Variants in ARHGAP44 observed in about 807,000 individuals in gnomAD.
ARHGAP44 encodes the protein Rho GTPase activating protein 44, also known as rho GTPase-activating protein 44.
ARHGAP44 carries 43 observed loss-of-function variants against 106.8 expected under a neutral mutation model. That is an observed-to-expected ratio of 0.40 (90% CI 0.32 to 0.52). ARHGAP44 has a LOEUF of 0.52. ARHGAP44 is among the 20% of genes least tolerant of loss of function. ARHGAP44 has a pLI of 0.48. For missense variants in ARHGAP44, 866 were observed against 1,050.5 expected (o/e 0.82, Z 2.43); for synonymous variants, 439 against 410.3 (o/e 1.07, Z -0.85).
intron 1 of ARHGAP44, among the ~76,000 whole-genome samples, chr17:12,824,556 C>A (rs7226011): frequency 6.6e-6 from 1 of 151,858 alleles, no homozygotes; most frequent in African/African-American, 2.4e-5. Flanking sequence ...AACCTCGACC[C>A]TACTTTCTTT....
intron 16 of ARHGAP44, among the ~76,000 whole-genome samples, chr17:12,968,759 T>A (rs117360820): frequency 0.1 from 15,135 of 150,096 alleles, 891 homozygotes; most frequent in South Asian, 0.2. Flanking sequence ...TTTCTTTTTC[T>A]TTTATTTCTT....
At chr17:12,983,823 C>CA (rs1227572648) in intron 19 of ARHGAP44, among the ~76,000 whole-genome samples, 6 of 151,848 alleles carry the variant, frequency 4.0e-5, no homozygotes, top group Non-Finnish European at 7.4e-5. Context: ...AAAAAAACAA[C>CA]AAAAAAACCC....
At chr17:12,919,944 C>T in intron 6 of ARHGAP44, 113 bp downstream of exon 6, 2 of 806,010 alleles carry the variant, frequency 2.5e-6, no homozygotes, top group Non-Finnish European at 4.0e-6. Context: ...TTTCTGGACA[C>T]CTAACGTGTA....
intron 7 of ARHGAP44, among the ~76,000 whole-genome samples, chr17:12,930,320 G>T (rs562782778): frequency 2.6e-5 from 4 of 151,358 alleles, no homozygotes; most frequent in South Asian, 2.1e-4. Flanking sequence ...CGCAACTTCC[G>T]TCTCCCAGGT....
Position 12,949,023 on chromosome 17 carries a change from T to C in ARHGAP44, c.862-117T>C, listed in dbSNP as rs550771206. 2.0e-6 allele frequency: 2 copies of C among 983,280 alleles called. No homozygotes were observed. The highest frequency in any genetic ancestry group is 2.9e-5 in the South Asian group (2 of 69,742). 60.9% of individuals were successfully genotyped at this position (983,280 alleles called of 1,614,324 possible). A position where few individuals can be genotyped will look rare whatever the true frequency, so the allele number is the denominator to read the frequency against. On this transcript the variant is annotated intron_variant, in intron 10 of 20. Coordinates refer to ENST00000379672, the MANE Select transcript of ARHGAP44 (RefSeq NM_014859.6). This position sits in a 1 kb window ranked among gnomAD's most constrained non-coding sequence, Gnocchi z 4.1. ...AGGCAACTGGGGGATTGGGAGATGG[T>C]GTTGGGCAAATGCATGTAAGAGGTT...
chr17:12,849,759 C>T (rs1198449548), intron 1 of ARHGAP44, among the ~76,000 whole-genome samples: 4 of 151,556 alleles, frequency 2.6e-5, no homozygotes, highest in Non-Finnish European at 5.9e-5. Flanking sequence ...CTTTTGGGTC[C>T]GAAAATAGGA....
chr17:12,921,901 A>G (rs1377866250), intron 6 of ARHGAP44, among the ~76,000 whole-genome samples: 1 of 152,198 alleles, frequency 6.6e-6, no homozygotes, highest in Non-Finnish European at 1.5e-5. Context: ...TAAAAGGTAC[A>G]GAGCAGTCCC....
intron 1 of ARHGAP44, among the ~76,000 whole-genome samples, chr17:12,791,302 T>C (rs1267988369): frequency 6.6e-6 from 1 of 152,192 alleles, no homozygotes; most frequent in Non-Finnish European, 1.5e-5. Flanking sequence ...GCCACAGATA[T>C]AGCCTCACGT....
At chr17:12,982,252 AG>A (rs1373847957) in intron 19 of ARHGAP44, among the ~76,000 whole-genome samples, 11 of 152,160 alleles carry the variant, frequency 7.2e-5, no homozygotes, top group African/African-American at 2.7e-4. Flanking sequence ...ATCTTTTGAA[AG>A]GTATACATTT....
chr17:12,853,349 T>C (rs190499932), intron 1 of ARHGAP44, among the ~76,000 whole-genome samples: 2 of 152,278 alleles, frequency 1.3e-5, no homozygotes, highest in Non-Finnish European at 2.9e-5. Flanking sequence ...TTATAGCATA[T>C]TAGACACTGA....
At chr17:12,920,195 G>A (rs908809498) in intron 6 of ARHGAP44, among the ~76,000 whole-genome samples, 1 of 151,948 alleles carries the variant, frequency 6.6e-6, no homozygotes, top group East Asian at 1.9e-4. Context: ...CTAACATGGT[G>A]AAACCCTGTC....
intron 1 of ARHGAP44, among the ~76,000 whole-genome samples, chr17:12,823,576 A>G (rs771659677): frequency 1.3e-5 from 2 of 151,926 alleles, no homozygotes; most frequent in African/African-American, 4.8e-5. Flanking sequence ...CTATCCTTCC[A>G]TCTGGTTCTC....
intron 15 of ARHGAP44, 145 bp downstream of exon 15, chr17:12,956,891 ATG>A: frequency 4.7e-6 from 3 of 634,246 alleles, no homozygotes; most frequent in Non-Finnish European, 8.4e-6. Flanking sequence ...ACACACACGC[ATG>A]CAGACATGCA....
At chr17:12,923,730 G>T (rs540439644) in intron 6 of ARHGAP44, among the ~76,000 whole-genome samples, 1 of 152,250 alleles carries the variant, frequency 6.6e-6, no homozygotes, top group African/African-American at 2.4e-5. Flanking sequence ...GCCATTTCTA[G>T]CCTGAGTCTA....
chr17:12,922,517 CT>C (rs1249626124), intron 6 of ARHGAP44, among the ~76,000 whole-genome samples: 1 of 152,192 alleles, frequency 6.6e-6, no homozygotes, highest in Non-Finnish European at 1.5e-5. Flanking sequence ...GAGTGACATC[CT>C]TCTCTGAAAC....
intron 20 of ARHGAP44, 144 bp downstream of exon 20, chr17:12,985,052 A>T (rs2039926035): frequency 9.3e-7 from 1 of 1,070,968 alleles, no homozygotes; most frequent in African/African-American, 1.6e-5. Context: ...AGCTCATAAG[A>T]TCTCCTTAGA....
At chr17:12,822,113 G>A (rs1193361952) in intron 1 of ARHGAP44, among the ~76,000 whole-genome samples, 1 of 152,112 alleles carries the variant, frequency 6.6e-6, no homozygotes, top group African/African-American at 2.4e-5. Flanking sequence ...TATATAAAGG[G>A]TTGGCAAACT....
intron 1 of ARHGAP44, among the ~76,000 whole-genome samples, chr17:12,823,191 T>C (rs1042176927): frequency 1.3e-5 from 2 of 152,094 alleles, no homozygotes; most frequent in Non-Finnish European, 2.9e-5. Flanking sequence ...ACCATCAAAC[T>C]CTCTTGAAAT....
chr17:12,945,943 G>C (rs1055770383), intron 10 of ARHGAP44, among the ~76,000 whole-genome samples: 76 of 152,170 alleles, frequency 5.0e-4, no homozygotes, highest in African/African-American at 1.8e-3. Context: ...CCCAGAGCCT[G>C]TAATGGAATT....
Sources: gnomAD v4.1 joint callset for allele counts (sites outside exome capture counted in the v4.1 genomes callset) on GRCh38, gnomAD v4.1.1 for gene constraint, Gnocchi (gnomAD v3.1) non-coding constraint, MANE v1.5 for transcripts, NCBI Gene and HGNC (gene_info 2026-07-23, HGNC 2026-07-21) for gene names.